Variants in TMEM237 observed in about 807,000 individuals in gnomAD.
TMEM237 encodes the protein transmembrane protein 237.
TMEM237 carries 51 observed loss-of-function variants against 59.1 expected under a neutral mutation model. That is an observed-to-expected ratio of 0.86 (90% CI 0.69 to 1.09). TMEM237 has a LOEUF of 1.09. Ranked by LOEUF, TMEM237 falls within the 50% of genes least tolerant of loss-of-function variation. The probability of loss-of-function intolerance (pLI) is 0.00; values close to 1 mark genes in which losing one functional copy is unlikely to be tolerated. For synonymous variants in TMEM237, 140 were observed against 166.1 expected, an observed-to-expected ratio of 0.84 and a Z score of 1.21; for missense variants, 475 against 478.3, an observed-to-expected ratio of 0.99 and a Z score of 0.06.
chr2:201,642,242 A>C (rs1559591508), intron 1 of TMEM237, among the ~76,000 whole-genome samples: 1 of 152,232 alleles, frequency 6.6e-6, no homozygotes, highest in Non-Finnish European at 1.5e-5. Context: ...TGCTTGCATA[A>C]GACATTTATT....
At chr2:201,639,998 G>C (rs911009001) in intron 3 of TMEM237, among the ~76,000 whole-genome samples, 3 of 152,218 alleles carry the variant, frequency 2.0e-5, no homozygotes, top group African/African-American at 7.2e-5. Flanking sequence ...GGAAGGTGCA[G>C]TCCTCATTAT....
intron 5 of TMEM237, among the ~76,000 whole-genome samples, chr2:201,634,634 G>A (rs1425142641): frequency 6.6e-6 from 1 of 152,096 alleles, no homozygotes; most frequent in Non-Finnish European, 1.5e-5. Flanking sequence ...TACTAAAAGG[G>A]CACTTTTAAT....
At chr2:201,637,808 A>G (rs560043603) in intron 4 of TMEM237, among the ~76,000 whole-genome samples, 135 of 152,232 alleles carry the variant, frequency 8.9e-4, no homozygotes, top group Non-Finnish European at 1.6e-3. Context: ...CCTCAGTAGT[A>G]CATAGAGAAA....
intron 2 of TMEM237, 50 bp downstream of exon 2, chr2:201,640,843 A>G: frequency 1.4e-6 from 2 of 1,471,586 alleles, no homozygotes; most frequent in East Asian, 2.4e-5. Flanking sequence ...CACTGTCTTC[A>G]TTTTCCATTT....
chr2:201,626,406 C>G (rs1262770587), intron 11 of TMEM237: 1 of 273,452 alleles, frequency 3.7e-6, no homozygotes, highest in African/African-American at 2.2e-5. Context: ...AGAAAATTCT[C>G]TAAAAGTTTT....
At chr2:201,642,665 G>A (rs367719269) in intron 1 of TMEM237, 370 of 1,607,136 alleles carry the variant, frequency 2.3e-4, no homozygotes, top group Admixed American at 3.9e-4. Context: ...CGGCCCCCAA[G>A]CACCTGGCGC....
chr2:201,639,057 G>GA lies in TMEM237; in HGVS notation c.80-13dup, dbSNP rs747217784. The GA allele has an allele frequency of 3.1e-4, 483 of 1,568,726 alleles. 1 individual carries two copies. Among genetic ancestry groups the GA allele is most frequent in the Middle Eastern group, 8.3e-4 (5 of 5,998 alleles). On this transcript the variant is annotated splice_polypyrimidine_tract_variant and intron_variant, in intron 3 of 12. Coordinates refer to ENST00000409883, the MANE Select transcript of TMEM237 (RefSeq NM_001044385.3). Reference sequence around the variant, plus strand: ...AAGTGGAATATCATCTATAAAGCAAGAAAAAACGTCAACAGAAAAGGGTGC... The same window carrying GA: ...AAGTGGAATATCATCTATAAAGCAAGAAAAAAACGTCAACAGAAAAGGGTGC...
rs1957704270 is a variant in TMEM237 at position 201,621,193 on chromosome 2, G to A, written c.*3062C>T. 6.6e-6 allele frequency: 1 copy of A among 152,082 alleles called. No homozygotes were observed. The allele number at this position is 152,082 out of a possible 1,614,324, so 9.4% of individuals were successfully genotyped here. A position where few individuals can be genotyped will look rare whatever the true frequency, so the allele number is the denominator to read the frequency against. On this transcript the variant is annotated 3_prime_UTR_variant, in exon 13 of 13. Transcript: ENST00000409883. ...TCTATAGGAAATTCAGGAGATTGAG[G>A]AACAAATTAAGTGATGTCATTAGGA...
At chr2:201,632,240 T>C (rs1957814357) in intron 6 of TMEM237, 32 bp from the exon 7 acceptor site, 1 of 1,609,312 alleles carries the variant, frequency 6.2e-7, no homozygotes, top group African/African-American at 1.3e-5. Context: ...GAAAAATAGA[T>C]GATTATTGAA....
chr2:201,632,455 A>G lies in TMEM237; in HGVS notation c.396-247T>C, dbSNP rs189134153. 5.4e-3 allele frequency among the ~76,000 whole-genome samples: 828 copies of G among 152,284 alleles called. 10 individuals are homozygous for G. Among genetic ancestry groups the G allele is most frequent in the African/African-American group, 0.019 (775 of 41,550 alleles). On this transcript the variant is annotated intron_variant, in intron 6 of 12. Transcript: ENST00000409883. Reference sequence around the variant, plus strand: ...ATCTGTAAGCTTCTTTCCAAATTTAAAACTGTATGATTCTGTATAGATACT... The same window carrying G: ...ATCTGTAAGCTTCTTTCCAAATTTAGAACTGTATGATTCTGTATAGATACT...
intron 12 of TMEM237, among the ~76,000 whole-genome samples, chr2:201,624,960 T>C (rs890601337): frequency 2.0e-5 from 3 of 152,192 alleles, no homozygotes; most frequent in African/African-American, 7.2e-5. Context: ...AACTATTACT[T>C]AGCATAGATG....
chr2:201,626,016 T>TC lies in TMEM237; in HGVS notation c.1159+9dup. ...CAGGATATTCTTATGCTATTTTTTT[T>TC]CTTTAATACCTTCACTAAGATCCAT... On this transcript the variant is annotated intron_variant, in intron 12 of 12. Transcript: ENST00000409883. The TC allele has an allele frequency of 6.4e-7, 1 of 1,562,126 alleles. No homozygotes were observed. Among genetic ancestry groups the TC allele is most frequent in the Non-Finnish European group, 8.7e-7 (1 of 1,152,900 alleles).
intron 5 of TMEM237, 95 bp downstream of exon 5, chr2:201,636,653 A>G (rs1032517493): frequency 3.0e-4 from 424 of 1,396,704 alleles, no homozygotes; most frequent in Middle Eastern, 7.3e-4. Context: ...CCTGTGGGAT[A>G]TGGATAGGGG....
intron 1 of TMEM237, among the ~76,000 whole-genome samples, chr2:201,641,478 A>G (rs1687416646): frequency 6.6e-6 from 1 of 151,894 alleles, no homozygotes; most frequent in African/African-American, 2.4e-5. Context: ...TCCTTCCTAC[A>G]TTCCTTTCCA....
chr2:201,642,591 T>A, intron 1 of TMEM237: 1 of 1,603,636 alleles, frequency 6.2e-7, no homozygotes, highest in Non-Finnish European at 8.5e-7. Flanking sequence ...CAATTAAAAG[T>A]AGCTAAGGCT....
intron 10 of TMEM237, among the ~76,000 whole-genome samples, chr2:201,627,787 T>C (rs1957772105): frequency 1.3e-5 from 2 of 152,182 alleles, no homozygotes; most frequent in Non-Finnish European, 2.9e-5. Flanking sequence ...TAAAAGGCCA[T>C]ACCCGCTGAA....
intron 1 of TMEM237, among the ~76,000 whole-genome samples, chr2:201,642,331 G>A (rs1687441153): frequency 6.6e-6 from 1 of 152,184 alleles, no homozygotes; most frequent in Non-Finnish European, 1.5e-5. Flanking sequence ...ATTAATGCAA[G>A]TACTACAAGA....
In TMEM237 at chr2:201,629,745, C is replaced by G; in HGVS notation, c.661G>C (p.Val221Leu). ...SWTTRDVALT[V>L]HRAFRMIGLF... The stretch of plus-strand genomic sequence containing the variant: ...AGCAGCCACCTGAAAGCCCGGTGCA[C>G]TGTAAGTGCCACATCTCTGGTGGTC... Residue 221 changes from valine (V) to leucine (L), a missense_variant, in exon 8 of 13, where the codon GTG becomes CTG. Val to Leu is a conservative substitution (Grantham distance 32). Coordinates refer to ENST00000409883, the MANE Select transcript of TMEM237 (RefSeq NM_001044385.3). 1 of 1,610,952 alleles carries G rather than the reference C, an allele frequency of 6.2e-7. No individual in the cohort carries two copies. The highest frequency in any genetic ancestry group is 2.2e-5 in the East Asian group (1 of 44,842).
rs769218195 is a variant in TMEM237 at position 201,623,496 on chromosome 2, G to A, written c.*759C>T. 1 of 157,168 alleles carries A rather than the reference G, an allele frequency of 6.4e-6. No homozygotes were observed. The highest frequency in any genetic ancestry group is 1.8e-4 in the East Asian group (1 of 5,554). The allele number at this position is 157,168 out of a possible 1,614,324, so 9.7% of individuals were successfully genotyped here. On this transcript the variant is annotated 3_prime_UTR_variant, in exon 13 of 13. Transcript: ENST00000409883. Reference sequence around the variant, plus strand: ...GGACAGAGGAAAGGGTACTGCAGATGTCAACTGGGAGCCCACAAGCTCACA... The same window carrying A: ...GGACAGAGGAAAGGGTACTGCAGATATCAACTGGGAGCCCACAAGCTCACA...
Sources: gnomAD v4.1 joint callset for allele counts (sites outside exome capture counted in the v4.1 genomes callset) on GRCh38, gnomAD v4.1.1 for gene constraint, MANE v1.5 for transcripts, NCBI Gene and HGNC (gene_info 2026-07-23, HGNC 2026-07-21) for gene names.